CDH5: variants seen among roughly 807,000 people sequenced by gnomAD.
CDH5 encodes cadherin 5, also known as cadherin-5.
In CDH5, 28 loss-of-function variants were observed where a neutral mutation model predicts 62.0. The ratio of observed to expected loss-of-function variants is 0.45; its 90% confidence interval spans 0.33 to 0.62. The LOEUF (loss-of-function observed/expected upper bound fraction) is 0.62, where lower values mean the gene tolerates loss of function less well. CDH5 is among the 20% of genes least tolerant of loss of function. The pLI is 0.02. For missense variants in CDH5, 940 were observed against 1,065.1 expected (o/e 0.88, Z 1.63); for synonymous variants, 464 against 445.8 (o/e 1.04, Z -0.52).
chr16:66,385,957 C>T (rs542028324), intron 2 of CDH5, among the ~76,000 whole-genome samples: 9 of 152,348 alleles, frequency 5.9e-5, no homozygotes, highest in East Asian at 1.9e-4. Flanking sequence ...CCCATCTTTG[C>T]GTGGAACAGC....
intron 2 of CDH5, among the ~76,000 whole-genome samples, chr16:66,380,388 C>T (rs1385001350): frequency 1.5e-5 from 2 of 135,904 alleles, no homozygotes; most frequent in African/African-American, 3.0e-5. Flanking sequence ...GGTGGTCTGA[C>T]GATGGTGATG....
At chr16:66,382,029 G>A (rs1448964504) in intron 2 of CDH5, among the ~76,000 whole-genome samples, 1 of 152,366 alleles carries the variant, frequency 6.6e-6, no homozygotes, top group South Asian at 2.1e-4. Context: ...AGGAACTTTT[G>A]ATGGGAAGGC....
chr16:66,385,368 A>T (rs1310087037), intron 2 of CDH5, among the ~76,000 whole-genome samples: 1 of 152,220 alleles, frequency 6.6e-6, no homozygotes, highest in Non-Finnish European at 1.5e-5. Context: ...CATGAACAGT[A>T]CATGTTACAC....
At chr16:66,385,047 CA>C (rs35258455) in intron 2 of CDH5, among the ~76,000 whole-genome samples, 17,270 of 152,220 alleles carry the variant, frequency 0.11, 1,114 homozygotes, top group Middle Eastern at 0.23. Context: ...CTGAGAGCCA[CA>C]ATGGGATCTG....
At position 66,389,462 on chromosome 16, in the gene CDH5, A is replaced by G. The variant is rs1170567235; in HGVS notation, c.721A>G (p.Thr241Ala). Reference sequence around the variant, plus strand: ...CCAGGGCCTCCGGGGGGACTCGGGCACGGCCACCGTGCTGGTCACTCTGCA... The same window carrying G: ...CCAGGGCCTCCGGGGGGACTCGGGCGCGGCCACCGTGCTGGTCACTCTGCA... Reference protein sequence around the residue: ...DAQGLRGDSGTATVLVTLQDI... With the variant: ...DAQGLRGDSGAATVLVTLQDI... The change falls in exon 5 of 12, where the codon ACG becomes GCG. Residue 241 changes from threonine (T) to alanine (A), a missense_variant. Thr to Ala is a moderately conservative substitution (Grantham distance 58, BLOSUM62 0). Coordinates refer to ENST00000341529, the MANE Select transcript of CDH5 (RefSeq NM_001795.5). The G allele has an allele frequency of 1.2e-6, 2 of 1,613,190 alleles. No homozygotes were observed. Among genetic ancestry groups the G allele is most frequent in the South Asian group, 2.2e-5 (2 of 90,946 alleles).
Position 66,403,006 on chromosome 16 carries a change from A to T in CDH5, c.2192A>T (p.Tyr731Phe). The change falls in exon 12 of 12, where the codon TAC becomes TTC. Residue 731 changes from tyrosine (Y) to phenylalanine (F), a missense_variant. Coordinates refer to ENST00000341529, the MANE Select transcript of CDH5 (RefSeq NM_001795.5). The surrounding 1 kb of genome is among the most constrained non-coding windows in gnomAD (Gnocchi z 4.3). The part of the protein sequence containing the change: ...DGPPYDTLHI[Y>F]GYEGSESIAE... ...CCCCCCTACGACACGCTGCACATCT[A>T]CGGCTACGAGGGCTCCGAGTCCATA... 2 of 1,613,292 alleles carry T rather than the reference A, an allele frequency of 1.2e-6. No homozygotes were observed. The highest frequency in any genetic ancestry group is 1.7e-6 in the Non-Finnish European group (2 of 1,179,796).
chr16:66,389,922 A>G (rs775278565), intron 5 of CDH5, among the ~76,000 whole-genome samples: 13 of 152,218 alleles, frequency 8.5e-5, no homozygotes, highest in Admixed American at 6.5e-5. Context: ...TTCTATATCC[A>G]GAGCCAGGGC....
intron 7 of CDH5, chr16:66,392,794 GTGAA>G: frequency 5.4e-6 from 1 of 184,688 alleles, no homozygotes; most frequent in Non-Finnish European, 1.1e-5. Context: ...ATTTTATACA[GTGAA>G]ACAACACAGA....
At chr16:66,392,528 C>T in intron 7 of CDH5, 145 bp downstream of exon 7, 5 of 1,167,998 alleles carry the variant, frequency 4.3e-6, no homozygotes, top group Non-Finnish European at 6.0e-6. Context: ...GACCAGAAGC[C>T]CAAGCTCTTG....
At chr16:66,398,323 A>G (rs1961223148) in intron 9 of CDH5, 133 bp from the exon 10 acceptor site, 1 of 776,632 alleles carries the variant, frequency 1.3e-6, no homozygotes, top group Non-Finnish European at 2.2e-6. Flanking sequence ...TTTATGAAGA[A>G]CTAAATAGGT....
At chr16:66,395,601 T>C (rs1961170937) in intron 7 of CDH5, 1 of 151,030 alleles carries the variant, frequency 6.6e-6, no homozygotes, top group Admixed American at 6.7e-5. Flanking sequence ...ACAAAACATA[T>C]ATATTTATCT....
intron 4 of CDH5, 56 bp downstream of exon 4, chr16:66,388,496 G>A (rs1322851151): frequency 8.8e-7 from 1 of 1,134,622 alleles, no homozygotes; most frequent in East Asian, 2.3e-5. Flanking sequence ...AAGGGGAGGT[G>A]GATACTCCAG....
intron 8 of CDH5, among the ~76,000 whole-genome samples, chr16:66,396,817 T>C (rs1244270372): frequency 6.6e-6 from 1 of 152,182 alleles, no homozygotes; most frequent in Non-Finnish European, 1.5e-5. Flanking sequence ...GAACTATTAA[T>C]ACTCCCACTT....
At chr16:66,382,714 GAACC>G (rs1214360733) in intron 2 of CDH5, among the ~76,000 whole-genome samples, 8 of 152,106 alleles carry the variant, frequency 5.3e-5, no homozygotes, top group African/African-American at 1.9e-4. Flanking sequence ...GGTCTCCGAG[GAACC>G]ACAAGGGGTC....
At chr16:66,393,386 A>T (rs1961122726) in intron 7 of CDH5, among the ~76,000 whole-genome samples, 1 of 152,260 alleles carries the variant, frequency 6.6e-6, no homozygotes, top group Admixed American at 6.5e-5. Flanking sequence ...AACAGGAAGT[A>T]TAGTGGCTTC....
At chr16:66,385,935 A>T (rs1279368171) in intron 2 of CDH5, among the ~76,000 whole-genome samples, 1 of 152,226 alleles carries the variant, frequency 6.6e-6, no homozygotes, top group Non-Finnish European at 1.5e-5. Flanking sequence ...CCAGCACACC[A>T]CTGGCTAGGA....
At chr16:66,391,423 A>C (rs1022150956) in intron 6 of CDH5, among the ~76,000 whole-genome samples, 5 of 152,060 alleles carry the variant, frequency 3.3e-5, no homozygotes, top group African/African-American at 9.7e-5. Flanking sequence ...AGGGATGAGT[A>C]GGAGTTTTCT....
rs1314106173 is a variant in CDH5 at position 66,372,805 on chromosome 16, C to G, written c.-20+6047C>G. On this transcript the variant is annotated intron_variant, in intron 1 of 11. Coordinates refer to ENST00000341529, the MANE Select transcript of CDH5 (RefSeq NM_001795.5). ...TGTTTAATCCTGGGCTCCACGCCCACTCACCAGGGGATTCGGGCCACTCAC... is the reference window on the plus strand; with the variant it reads ...TGTTTAATCCTGGGCTCCACGCCCAGTCACCAGGGGATTCGGGCCACTCAC... Among the ~76,000 whole-genome samples, 4 of 152,332 alleles carry G rather than the reference C, an allele frequency of 2.6e-5. No homozygotes were observed. The East Asian group carries it at 7.7e-4, about 29-fold the overall frequency.
In CDH5 at chr16:66,388,279, G is replaced by T. The variant is rs186085122; in HGVS notation, c.500-45G>T. 41 of 1,211,078 alleles carry T rather than the reference G, an allele frequency of 3.4e-5. No individual in the cohort carries two copies. The Middle Eastern group carries it at 1.2e-3, about 34-fold the overall frequency. The allele number at this position is 1,211,078 out of a possible 1,614,324, so 75.0% of individuals were successfully genotyped here. ...CTCTGTTCCAGGAATGGGGTAAGGG[G>T]CCTAGCAGTCACAAGTCAGCAACCC... On this transcript the variant is annotated intron_variant, in intron 3 of 11. Transcript: ENST00000341529.
Sources: gnomAD v4.1 joint callset for allele counts (sites outside exome capture counted in the v4.1 genomes callset) on GRCh38, gnomAD v4.1.1 for gene constraint, Gnocchi (gnomAD v3.1) non-coding constraint, MANE v1.5 for transcripts, NCBI Gene and HGNC (gene_info 2026-07-23, HGNC 2026-07-21) for gene names.